The following TMEM182 variants were observed in gnomAD, a reference collection of about 807,000 sequenced individuals.
The protein encoded by TMEM182 is transmembrane protein 182.
TMEM182 carries 20 observed loss-of-function variants against 26.8 expected under a neutral mutation model. The observed-to-expected ratio is 0.75, with a 90% CI of 0.53 to 1.09. TMEM182 has a LOEUF of 1.09. Ranked by LOEUF, TMEM182 falls within the 50% of genes least tolerant of loss-of-function variation. TMEM182 has a pLI of 0.00. For synonymous variants in TMEM182, 109 were observed against 102.2 expected (o/e 1.07, Z -0.40); for missense variants, 277 against 275.5 (o/e 1.01, Z -0.04).
intron 2 of TMEM182, among the ~76,000 whole-genome samples, chr2:102,763,427 T>C (rs781634776): frequency 1.3e-5 from 2 of 152,210 alleles, no homozygotes; most frequent in Non-Finnish European, 2.9e-5. Context: ...CTAAAGCTTA[T>C]TGAGAATTGA....
At chr2:102,800,042 G>T (rs1682051450) in intron 4 of TMEM182, among the ~76,000 whole-genome samples, 1 of 152,240 alleles carries the variant, frequency 6.6e-6, no homozygotes, top group South Asian at 2.1e-4. Flanking sequence ...CTCACTCTGA[G>T]AAGAACCCTG....
In TMEM182 at chr2:102,750,667, ACT is replaced by A. The variant is rs559889850; in HGVS notation, c.-82-7719_-82-7718del. The stretch of plus-strand genomic sequence containing the variant: ...GTCACTTCAGCTCATTCTCTCTCAG[ACT>A]CTGCAGAAATCAGTTTTGTGATGAT... On this transcript the variant is annotated intron_variant, in intron 1 of 5. Coordinates refer to the TMEM182 transcript ENST00000409173. 1.7e-4 allele frequency among the ~76,000 whole-genome samples: 26 copies of A among 152,108 alleles called. 1 individual carries two copies. The highest frequency in any genetic ancestry group is 1.6e-3 in the Admixed American group (24 of 15,272).
At chr2:102,773,715 T>C (rs1352044168) in intron 3 of TMEM182, among the ~76,000 whole-genome samples, 1 of 152,150 alleles carries the variant, frequency 6.6e-6, no homozygotes, top group Admixed American at 6.6e-5. Context: ...CAGCTTGTTG[T>C]ATCATTAGCA....
At chr2:102,749,849 T>A (rs1325432189) in intron 1 of TMEM182, among the ~76,000 whole-genome samples, 1 of 152,020 alleles carries the variant, frequency 6.6e-6, no homozygotes, top group African/African-American at 2.4e-5. Context: ...AATACAAATA[T>A]TTGCTTCCAT....
chr2:102,781,631 G>A (rs1681169966), intron 3 of TMEM182, among the ~76,000 whole-genome samples: 1 of 152,208 alleles, frequency 6.6e-6, no homozygotes, highest in East Asian at 1.9e-4. Flanking sequence ...GACTAAGGAT[G>A]GGCAGCTTGG....
At chr2:102,748,783 G>C (rs1679790326) in intron 1 of TMEM182, among the ~76,000 whole-genome samples, 1 of 152,088 alleles carries the variant, frequency 6.6e-6, no homozygotes, top group African/African-American at 2.4e-5. Context: ...ACATAAAAAT[G>C]ACATTATCTG....
At chr2:102,774,487 G>A (rs560929044) in intron 3 of TMEM182, among the ~76,000 whole-genome samples, 3 of 151,004 alleles carry the variant, frequency 2.0e-5, no homozygotes, top group Non-Finnish European at 3.0e-5. Context: ...GGATGGTCTC[G>A]ATCTTCTGAC....
chr2:102,749,206 T>C (rs1017316920), intron 1 of TMEM182, among the ~76,000 whole-genome samples: 1 of 152,130 alleles, frequency 6.6e-6, no homozygotes, highest in Non-Finnish European at 1.5e-5. Context: ...CTAATAATAT[T>C]AGTAGCATAT....
chr2:102,780,799 G>A (rs1054840287), intron 3 of TMEM182, among the ~76,000 whole-genome samples: 22 of 152,138 alleles, frequency 1.4e-4, no homozygotes, highest in African/African-American at 5.1e-4. Flanking sequence ...GTAGCGGTGG[G>A]ACTGCAGTAT....
chr2:102,781,442 G>A (rs1681162505), intron 3 of TMEM182, among the ~76,000 whole-genome samples: 1 of 152,158 alleles, frequency 6.6e-6, no homozygotes, highest in Non-Finnish European at 1.5e-5. Flanking sequence ...GGAGTTGAAG[G>A]TGGAGGTCTG....
intron 3 of TMEM182, among the ~76,000 whole-genome samples, chr2:102,777,807 C>G (rs1680987183): frequency 6.7e-6 from 1 of 148,972 alleles, no homozygotes; most frequent in Non-Finnish European, 1.5e-5. Context: ...ATTGCACAGA[C>G]TATGACTTCC....
At chr2:102,819,742 A>G (rs965916526), downstream of TMEM182, among the ~76,000 whole-genome samples, 2 of 152,178 alleles carry the variant, frequency 1.3e-5, no homozygotes, top group African/African-American at 4.8e-5. Context: ...CACATATCCA[A>G]ATATCTGTCT....
At chr2:102,745,004 C>T (rs1679650718) in intron 1 of TMEM182, among the ~76,000 whole-genome samples, 1 of 152,060 alleles carries the variant, frequency 6.6e-6, no homozygotes, top group Non-Finnish European at 1.5e-5. Context: ...TCTTCTTTCC[C>T]ATTTTCTTTA....
chr2:102,790,434 A>G (rs555652379), intron 3 of TMEM182, among the ~76,000 whole-genome samples: 18 of 152,342 alleles, frequency 1.2e-4, no homozygotes, highest in Non-Finnish European at 2.5e-4. Context: ...GGAAAAAGAA[A>G]TACTATGGGG....
chr2:102,770,800 C>T (rs1197766332), intron 3 of TMEM182, among the ~76,000 whole-genome samples: 2 of 152,190 alleles, frequency 1.3e-5, no homozygotes, highest in African/African-American at 4.8e-5. Context: ...ATAAAAACAG[C>T]CACATCCACA....
At chr2:102,806,286 T>G (rs1167927989) in intron 4 of TMEM182, among the ~76,000 whole-genome samples, 1 of 152,194 alleles carries the variant, frequency 6.6e-6, no homozygotes, top group African/African-American at 2.4e-5. Flanking sequence ...GAATTTTTAC[T>G]TCCTAGAAGT....
At chr2:102,769,659 T>C (rs1421737905) in intron 3 of TMEM182, among the ~76,000 whole-genome samples, 2 of 152,232 alleles carry the variant, frequency 1.3e-5, no homozygotes, top group Non-Finnish European at 2.9e-5. Context: ...ATTCTATGTA[T>C]GTAGCATTTT....
chr2:102,818,792 TAC>T (rs995972343), downstream of TMEM182, among the ~76,000 whole-genome samples: 7 of 120,602 alleles, frequency 5.8e-5, no homozygotes, highest in Non-Finnish European at 1.1e-4. Flanking sequence ...CTCTAAATTA[TAC>T]AGTTAAATTG....
At chr2:102,755,653 C>T (rs1680010875) in intron 1 of TMEM182, among the ~76,000 whole-genome samples, 1 of 152,150 alleles carries the variant, frequency 6.6e-6, no homozygotes, top group Non-Finnish European at 1.5e-5. Context: ...AACAGTAGTG[C>T]TCTGTAGAAA....
Sources: gnomAD v4.1 joint callset for allele counts (sites outside exome capture counted in the v4.1 genomes callset) on GRCh38, gnomAD v4.1.1 for gene constraint, MANE v1.5 for transcripts, NCBI Gene and HGNC (gene_info 2026-07-23, HGNC 2026-07-21) for gene names.